ARHGAP25: variants seen among roughly 807,000 people sequenced by gnomAD.
ARHGAP25 encodes rho GTPase-activating protein 25.
In ARHGAP25, 34 loss-of-function variants were observed where a neutral mutation model predicts 71.0. The ratio of observed to expected loss-of-function variants is 0.48; its 90% CI spans 0.36 to 0.64. The LOEUF (loss-of-function observed/expected upper bound fraction) is 0.64. Ranked by LOEUF, ARHGAP25 falls within the 30% of genes least tolerant of loss-of-function variation. The pLI, the probability that ARHGAP25 is intolerant of heterozygous loss-of-function variation, is 0.00. For missense variants in ARHGAP25, 706 were observed against 805.1 expected (o/e 0.88, Z 1.49); for synonymous variants, 282 against 296.5 (o/e 0.95, Z 0.50).
intron 1 of ARHGAP25, among the ~76,000 whole-genome samples, chr2:68,763,309 C>A (rs1392457886): frequency 1.3e-5 from 2 of 152,188 alleles, no homozygotes; most frequent in Non-Finnish European, 2.9e-5. Flanking sequence ...TCTGCTGTGT[C>A]ATTTTCTGTT....
intron 4 of ARHGAP25, among the ~76,000 whole-genome samples, chr2:68,793,038 T>G (rs182185582): frequency 4.1e-4 from 62 of 152,338 alleles, no homozygotes; most frequent in Middle Eastern, 3.4e-3. Flanking sequence ...TGTTGAGGAT[T>G]TTTTTCATAT....
In ARHGAP25 at chr2:68,735,206, C is replaced by T. The variant is rs1210982510; in HGVS notation, c.7C>T (p.Leu3=). 2.5e-6 allele frequency: 4 copies of T among 1,613,974 alleles called. No individual in the cohort carries two copies. Among genetic ancestry groups the T allele is most frequent in the South Asian group, 1.1e-5 (1 of 91,082 alleles). MS[L]KLPRNWDFNL... is the part of the protein sequence containing the mutation. The stretch of plus-strand genomic sequence containing the variant: ...CACTTAAACTGGAAGCAAAATGTCC[C>T]TAAAATTGCCAAGGAACTGGGATTT... Residue 3 remains leucine, a synonymous_variant, in exon 1 of 11, where the codon CTA becomes TTA. Coordinates refer to ENST00000409202, the MANE Select transcript of ARHGAP25 (RefSeq NM_001007231.3).
At chr2:68,813,528 T>C (rs1010161976) in intron 6 of ARHGAP25, 109 bp downstream of exon 6, 112 of 1,264,146 alleles carry the variant, frequency 8.9e-5, no homozygotes, top group Non-Finnish European at 4.4e-5. Flanking sequence ...TTTGGTAAGA[T>C]AGTCAAATGC....
chr2:68,813,695 G>A (rs569078069), intron 6 of ARHGAP25, among the ~76,000 whole-genome samples: 1 of 152,170 alleles, frequency 6.6e-6, no homozygotes, highest in Non-Finnish European at 1.5e-5. Context: ...ATCGGAGGAC[G>A]GTTTCAAGCA....
At chr2:68,774,760 A>G in intron 1 of ARHGAP25, 1 of 1,023,424 alleles carries the variant, frequency 9.8e-7, no homozygotes, top group Non-Finnish European at 1.2e-6. Context: ...AAGAGTGCCC[A>G]GGCAGCTTCC....
chr2:68,821,815 T>C (rs966044665), intron 9 of ARHGAP25, among the ~76,000 whole-genome samples: 1 of 152,188 alleles, frequency 6.6e-6, no homozygotes, highest in African/African-American at 2.4e-5. Context: ...ATTACATTGG[T>C]TGTTGATCTC....
chr2:68,787,367 A>C (rs946410647), intron 3 of ARHGAP25, among the ~76,000 whole-genome samples: 4 of 152,220 alleles, frequency 2.6e-5, no homozygotes, highest in Non-Finnish European at 5.9e-5. Flanking sequence ...ATTTTGTGAA[A>C]AAAGCACACA....
chr2:68,748,578 C>T (rs1359159905), intron 1 of ARHGAP25, among the ~76,000 whole-genome samples: 1 of 152,148 alleles, frequency 6.6e-6, no homozygotes, highest in Non-Finnish European at 1.5e-5. Context: ...AGCCTGTGGC[C>T]TGTTAACTTT....
Position 68,787,947 on chromosome 2 carries a change from C to T in ARHGAP25, c.457C>T (p.Pro153Ser). The T allele has an allele frequency of 1.9e-6, 3 of 1,614,024 alleles. No individual in the cohort carries two copies. The highest frequency in any genetic ancestry group is 2.5e-6 in the Non-Finnish European group (3 of 1,179,872). The change falls in exon 4 of 11, where the codon CCC becomes TCC. Residue 153 changes from proline (P) to serine (S), a missense_variant. Coordinates refer to ENST00000409202, the MANE Select transcript of ARHGAP25 (RefSeq NM_001007231.3). ...VKFLRRVAGT[P>S]CGAVFGQRLD... is the part of the protein sequence containing the mutation. ...ATTCCTCAGGAGAGTTGCTGGCACA[C>T]CCTGTGGAGGTAAGGACCCCTGCAG...
intron 5 of ARHGAP25, among the ~76,000 whole-genome samples, chr2:68,807,810 A>G (rs1209366053): frequency 6.6e-6 from 1 of 152,194 alleles, no homozygotes; most frequent in Non-Finnish European, 1.5e-5. Context: ...CTCACCCTTC[A>G]GGACAGATGA....
intron 1 of ARHGAP25, among the ~76,000 whole-genome samples, chr2:68,746,078 A>G (rs1441990899): frequency 6.6e-6 from 1 of 152,208 alleles, no homozygotes. Context: ...TTCAACATGA[A>G]TTTTGGAGGG....
In ARHGAP25 at chr2:68,729,241, C is replaced by G. The variant is rs115979485; in HGVS notation, c.-18+18543C>G. On this transcript the variant is annotated intron_variant and NMD_transcript_variant, in intron 2 of 7. Transcript: ENST00000463483. ...ATTGTACACTTTGATGGGTGAATTG[C>G]ATGGTATGTGAATTATGTATCAATA... 5.6e-3 allele frequency among the ~76,000 whole-genome samples: 860 copies of G among 152,258 alleles called. 12 individuals carry two copies. Among genetic ancestry groups the G allele is most frequent in the African/African-American group, 0.02 (825 of 41,532 alleles).
chr2:68,806,011 C>A (rs945033029), intron 4 of ARHGAP25, among the ~76,000 whole-genome samples: 2 of 152,134 alleles, frequency 1.3e-5, no homozygotes, highest in Non-Finnish European at 2.9e-5. Flanking sequence ...ACTGCCGGTG[C>A]GGGGAAACTG....
chr2:68,804,143 A>G lies in ARHGAP25; in HGVS notation c.467-3130A>G, dbSNP rs936676041. 3.9e-5 allele frequency among the ~76,000 whole-genome samples: 6 copies of G among 152,358 alleles called. No homozygotes were observed. In the East Asian group the frequency reaches 7.7e-4, roughly 20 times the overall value. ...ATAGACTGGGATGAGGAGAAAAGCT[A>G]GAGAACTAGACATATATTAAGGTGC... On this transcript the variant is annotated intron_variant, in intron 4 of 10. Transcript: ENST00000409202.
intron 7 of ARHGAP25, 73 bp from the exon 8 acceptor site, chr2:68,817,800 T>C: frequency 6.4e-7 from 1 of 1,560,910 alleles, no homozygotes. Flanking sequence ...CCCTGAGTTC[T>C]CATTGGAACC....
At chr2:68,731,287 A>G (rs958227778), upstream of ARHGAP25, among the ~76,000 whole-genome samples, 1 of 151,982 alleles carries the variant, frequency 6.6e-6, no homozygotes, top group African/African-American at 2.4e-5. Flanking sequence ...CTGTGATTGG[A>G]ACTACACCCT....
At chr2:68,798,517 G>GAAAA (rs10694150) in intron 4 of ARHGAP25, among the ~76,000 whole-genome samples, 133 of 146,862 alleles carry the variant, frequency 9.1e-4, no homozygotes, top group African/African-American at 3.2e-3. Context: ...AGAGGAGAGA[G>GAAAA]AAAAAAAAAA....
At chr2:68,776,079 G>A (rs1329229555) in intron 2 of ARHGAP25, among the ~76,000 whole-genome samples, 4 of 152,178 alleles carry the variant, frequency 2.6e-5, no homozygotes, top group African/African-American at 9.7e-5. Flanking sequence ...GGAATAAGCT[G>A]GGTAGATCTC....
intron 7 of ARHGAP25, chr2:68,817,064 G>A (rs1250624196): frequency 1.3e-5 from 2 of 151,856 alleles, no homozygotes; most frequent in Non-Finnish European, 2.9e-5. Context: ...TAAATATAGG[G>A]GAATAATATT....
Sources: allele counts gnomAD v4.1 joint callset (sites outside exome capture counted in the v4.1 genomes callset), GRCh38; gene constraint gnomAD v4.1.1; transcripts MANE v1.5; gene names NCBI Gene and HGNC (gene_info 2026-07-23, HGNC 2026-07-21).